The following CNTNAP3B variants were observed in gnomAD, a reference collection of about 807,000 sequenced individuals.
The protein encoded by CNTNAP3B is contactin associated protein family member 3B, also known as contactin-associated protein-like 3B.
CNTNAP3B carries 25 observed loss-of-function variants against 108.9 expected under a neutral mutation model. That is an observed-to-expected ratio of 0.23 (90% CI 0.17 to 0.32). The LOEUF is 0.32. Ranked by LOEUF, CNTNAP3B falls within the 10% of genes least tolerant of loss-of-function variation. The pLI is 1.00. For synonymous variants in CNTNAP3B, 103 were observed against 473.4 expected (o/e 0.22, Z 10.16); for missense variants, 252 against 1,210.4 (o/e 0.21, Z 11.75).
intron 12 of CNTNAP3B, among the ~76,000 whole-genome samples, chr9:41,959,531 G>C (rs1824993487): frequency 2.6e-5 from 4 of 152,298 alleles, no homozygotes; most frequent in Admixed American, 2.6e-4. Context: ...TTGTGACTTT[G>C]GTTGAGTCTT....
chr9:42,033,373 C>G (rs1187893310), intron 3 of CNTNAP3B, among the ~76,000 whole-genome samples: 1 of 148,932 alleles, frequency 6.7e-6, no homozygotes, highest in Non-Finnish European at 1.5e-5. Context: ...TAAACTGTCT[C>G]TTGCTGATCA....
chr9:41,923,491 G>A (rs1396468093), intron 16 of CNTNAP3B, among the ~76,000 whole-genome samples: 1 of 152,234 alleles, frequency 6.6e-6, no homozygotes, highest in Admixed American at 6.5e-5. Flanking sequence ...GCTGGGTGTG[G>A]CAGTTCACAC....
intron 18 of CNTNAP3B, among the ~76,000 whole-genome samples, chr9:41,919,025 C>T (rs1471407270): frequency 6.6e-6 from 1 of 152,284 alleles, no homozygotes; most frequent in Non-Finnish European, 1.5e-5. Context: ...CACACAATTA[C>T]ATTTTAGCTC....
chr9:41,996,036 C>CA (rs1004152804), intron 7 of CNTNAP3B, among the ~76,000 whole-genome samples, 169 bp downstream of exon 7: 1 of 139,300 alleles, frequency 7.2e-6, no homozygotes, highest in Admixed American at 7.1e-5. Context: ...GACTCTGTCT[C>CA]AAAAAAATAA....
At position 42,012,944 on chromosome 9, in the gene CNTNAP3B, G is replaced by A. The variant is rs1345233103; in HGVS notation, c.538+434C>T. On this transcript the variant is annotated intron_variant, in intron 4 of 23. Coordinates refer to ENST00000377561, the MANE Select transcript of CNTNAP3B (RefSeq NM_001201380.3). Reference sequence around the variant, plus strand: ...GCATGGTGTGCAAAAGAGGACGTTAGCAGAGAAAAACACAGAGAACCAAGA... The same window carrying A: ...GCATGGTGTGCAAAAGAGGACGTTAACAGAGAAAAACACAGAGAACCAAGA... Among the ~76,000 whole-genome samples, 21 of 96,208 alleles carry A rather than the reference G, an allele frequency of 2.2e-4. 6 individuals are homozygous for A. Among genetic ancestry groups the A allele is most frequent in the African/African-American group, 7.5e-4 (19 of 25,346 alleles). The allele number at this position is 96,208 out of a possible 152,430, so 63.1% of individuals were successfully genotyped here. A position where few individuals can be genotyped will look rare whatever the true frequency, so the allele number is the denominator to read the frequency against.
chr9:41,924,181 C>T, intron 15 of CNTNAP3B, 88 bp from the exon 16 acceptor site: 2 of 1,592,594 alleles, frequency 1.3e-6, no homozygotes, highest in Non-Finnish European at 1.7e-6. Flanking sequence ...ATTATGACTG[C>T]TAAATACATT....
intron 1 of CNTNAP3B, among the ~76,000 whole-genome samples, chr9:42,111,666 G>C (rs1311046810): frequency 2.2e-5 from 3 of 138,366 alleles, no homozygotes; most frequent in African/African-American, 5.8e-5. Flanking sequence ...CTTAGATTTT[G>C]GTCACCTGAA....
chr9:41,950,412 T>C (rs1428966106), intron 13 of CNTNAP3B, among the ~76,000 whole-genome samples: 1 of 138,142 alleles, frequency 7.2e-6, no homozygotes. Flanking sequence ...TGAAAACTAA[T>C]GTTCACACAA....
chr9:41,933,753 C>T (rs915498348), intron 14 of CNTNAP3B, among the ~76,000 whole-genome samples: 10 of 152,388 alleles, frequency 6.6e-5, no homozygotes, highest in Admixed American at 6.5e-4. Flanking sequence ...TCATCACTTA[C>T]ATCTATTTTA....
At chr9:42,079,709 AC>A (rs1380795764) in intron 2 of CNTNAP3B, among the ~76,000 whole-genome samples, 13 of 137,182 alleles carry the variant, frequency 9.5e-5, no homozygotes, top group East Asian at 4.5e-4. Context: ...TTTAGTAGAG[AC>A]GGGGTTTCAC....
At chr9:41,943,789 T>G (rs1432706955) in intron 13 of CNTNAP3B, among the ~76,000 whole-genome samples, 1 of 152,254 alleles carries the variant, frequency 6.6e-6, no homozygotes. Flanking sequence ...ATGACAGACA[T>G]GAAACCATAG....
intron 10 of CNTNAP3B, among the ~76,000 whole-genome samples, chr9:41,966,783 C>T (rs1469760634): frequency 1.7e-4 from 26 of 151,614 alleles, no homozygotes; most frequent in South Asian, 4.2e-4. Context: ...CTGGCTAACA[C>T]GGTGAAACCC....
At chr9:41,952,091 C>T (rs111932005) in intron 13 of CNTNAP3B, among the ~76,000 whole-genome samples, 1,917 of 152,150 alleles carry the variant, frequency 0.013, 15 homozygotes, top group African/African-American at 0.032. Context: ...AGGAAATGGT[C>T]TGGCATATTC....
chr9:41,967,675 T>A (rs1472944892), intron 10 of CNTNAP3B, among the ~76,000 whole-genome samples: 16 of 152,282 alleles, frequency 1.1e-4, no homozygotes, highest in African/African-American at 3.9e-4. Context: ...AGGTCTTTAA[T>A]TTTAACTCTG....
chr9:41,926,876 C>T (rs1170730897), intron 15 of CNTNAP3B: 2 of 152,438 alleles, frequency 1.3e-5, no homozygotes, highest in Non-Finnish European at 2.9e-5. Context: ...AGGTAAATTT[C>T]CAGAGAGAAA....
intron 12 of CNTNAP3B, among the ~76,000 whole-genome samples, chr9:41,954,178 A>G (rs1482478419): frequency 2.6e-5 from 4 of 152,278 alleles, no homozygotes; most frequent in African/African-American, 7.2e-5. Context: ...TGTATTTAGA[A>G]TAATGGACAT....
chr9:41,952,253 T>A (rs1464535842), intron 13 of CNTNAP3B, among the ~76,000 whole-genome samples: 1 of 152,202 alleles, frequency 6.6e-6, no homozygotes, highest in Non-Finnish European at 1.5e-5. Context: ...TTTAAGTGGC[T>A]TTATTATGCT....
At chr9:42,030,813 G>GAGGA (rs1156882673) in intron 3 of CNTNAP3B, among the ~76,000 whole-genome samples, 5 of 65,772 alleles carry the variant, frequency 7.6e-5, no homozygotes, top group East Asian at 1.0e-3. Flanking sequence ...GAGAGAGAGA[G>GAGGA]GAGAGAGAGA....
intron 14 of CNTNAP3B, among the ~76,000 whole-genome samples, chr9:41,934,802 G>T (rs1263418005): frequency 6.6e-6 from 1 of 152,254 alleles, no homozygotes; most frequent in Non-Finnish European, 1.5e-5. Flanking sequence ...CTAATATCTG[G>T]TTTTTAAATG....
Sources: gnomAD v4.1 joint callset for allele counts (sites outside exome capture counted in the v4.1 genomes callset) on GRCh38, gnomAD v4.1.1 for gene constraint, MANE v1.5 for transcripts, NCBI Gene and HGNC (gene_info 2026-07-23, HGNC 2026-07-21) for gene names.